ZC3H12B: variants seen among roughly 807,000 people sequenced by gnomAD.
ZC3H12B encodes the protein zinc finger CCCH-type containing 12B, also known as probable ribonuclease ZC3H12B.
A neutral mutation model predicts 43.9 loss-of-function variants in ZC3H12B; 7 were observed. The observed-to-expected ratio is 0.16, with a 90% CI of 0.09 to 0.30. The LOEUF (loss-of-function observed/expected upper bound fraction) is 0.30, where lower values mean the gene tolerates loss of function less well. ZC3H12B is among the 10% of genes least tolerant of loss of function. The pLI is 1.00. For synonymous variants in ZC3H12B, 222 were observed against 241.7 expected (o/e 0.92, Z 0.76); for missense variants, 475 against 670.2 (o/e 0.71, Z 3.22).
the ZC3H12B span, among the ~76,000 whole-genome samples, chrX:65,255,749 G>A: frequency 8.9e-6 from 1 of 112,095 alleles, no homozygotes; most frequent in Non-Finnish European, 1.9e-5. Flanking sequence ...TGGAAAGTTG[G>A]ATAAAGAAGC....
At chrX:65,347,679 G>A in the ZC3H12B span, among the ~76,000 whole-genome samples, 1 of 112,255 alleles carries the variant, frequency 8.9e-6, no homozygotes, top group Non-Finnish European at 1.9e-5. Flanking sequence ...TCAGTGTGGC[G>A]ATTCCTCAAG....
the ZC3H12B span, among the ~76,000 whole-genome samples, chrX:65,224,326 T>A: frequency 8.9e-6 from 1 of 112,513 alleles, no homozygotes; most frequent in Non-Finnish European, 1.9e-5. Flanking sequence ...TAAAAAACTA[T>A]GAGTTGGGTA....
intron 3 of ZC3H12B, among the ~76,000 whole-genome samples, chrX:65,480,459 G>A (rs754443482): frequency 1.8e-4 from 20 of 111,924 alleles, no homozygotes; most frequent in Non-Finnish European, 2.8e-4. Context: ...TAAAAGCCAG[G>A]GCTATGTATA....
At chrX:65,156,968 T>A in the ZC3H12B span, among the ~76,000 whole-genome samples, 2 of 111,780 alleles carry the variant, frequency 1.8e-5, no homozygotes, top group Admixed American at 9.6e-5. Flanking sequence ...TTTTTCTTTC[T>A]TTCTTTCTTC....
At chrX:65,236,583 T>C in the ZC3H12B span, among the ~76,000 whole-genome samples, 1 of 112,178 alleles carries the variant, frequency 8.9e-6, no homozygotes, top group East Asian at 2.8e-4. Context: ...TTGCTTTTAT[T>C]GCAATTGCTT....
the ZC3H12B span, among the ~76,000 whole-genome samples, chrX:65,248,495 G>A: frequency 8.9e-6 from 1 of 111,837 alleles, no homozygotes; most frequent in Non-Finnish European, 1.9e-5. Context: ...TATTAAATCA[G>A]CAAATATTTA....
intron 3 of ZC3H12B, among the ~76,000 whole-genome samples, chrX:65,454,227 C>A (rs1268170071): frequency 8.9e-6 from 1 of 112,517 alleles, no homozygotes; most frequent in African/African-American, 3.2e-5. Context: ...GGTCAGGGAA[C>A]TCCCTTTCCT....
intron 3 of ZC3H12B, among the ~76,000 whole-genome samples, chrX:65,461,229 G>T (rs1042148298): frequency 8.9e-6 from 1 of 112,052 alleles, no homozygotes; most frequent in African/African-American, 3.2e-5. Context: ...AGGATGTGGA[G>T]AAATAGGAAC....
chrX:65,077,421 G>T, the ZC3H12B span, among the ~76,000 whole-genome samples: 1 of 112,415 alleles, frequency 8.9e-6, no homozygotes, highest in Middle Eastern at 4.6e-3. Flanking sequence ...TGTTGAGCCA[G>T]GGTTGGGTTG....
chrX:65,209,508 CTGAGTTCTAGTT>C, the ZC3H12B span, among the ~76,000 whole-genome samples: 2 of 97,629 alleles, frequency 2.0e-5, no homozygotes, highest in African/African-American at 3.8e-5. Context: ...ATTCTTAATC[CTGAGTTCTAGTT>C]TGATTGCACT....
chrX:65,328,103 A>T, the ZC3H12B span: 1 of 251,075 alleles, frequency 4.0e-6, no homozygotes, highest in Non-Finnish European at 8.0e-6. Context: ...ATTCAGTAAT[A>T]AAGCAAGGCT....
the ZC3H12B span, among the ~76,000 whole-genome samples, chrX:65,165,141 C>T: frequency 9.0e-6 from 1 of 111,649 alleles, no homozygotes; most frequent in East Asian, 2.8e-4. Flanking sequence ...TTAGTAACTG[C>T]CCCCAAACTC....
chrX:65,456,628 G>C (rs992811064), intron 3 of ZC3H12B, among the ~76,000 whole-genome samples: 7 of 106,742 alleles, frequency 6.6e-5, no homozygotes, highest in Non-Finnish European at 1.2e-4. Context: ...TTTTTTGGTG[G>C]AGACGGGGTT....
the ZC3H12B span, among the ~76,000 whole-genome samples, chrX:65,189,087 A>C: frequency 9.7e-6 from 1 of 102,655 alleles, no homozygotes. Context: ...GAGAATGATG[A>C]TTTCCAATTT....
chrX:65,262,451 T>G, the ZC3H12B span, among the ~76,000 whole-genome samples: 1 of 111,294 alleles, frequency 9.0e-6, no homozygotes, highest in Admixed American at 9.5e-5. Flanking sequence ...TTTCTGAGCC[T>G]GCAATGTTTG....
At chrX:65,092,433 A>T in the ZC3H12B span, among the ~76,000 whole-genome samples, 23 of 111,633 alleles carry the variant, frequency 2.1e-4, no homozygotes, top group African/African-American at 7.5e-4. Context: ...ATGAGGGAAA[A>T]TTTGGAAATC....
the ZC3H12B span, among the ~76,000 whole-genome samples, chrX:65,100,223 A>G: frequency 9.0e-6 from 1 of 111,082 alleles, no homozygotes; most frequent in Non-Finnish European, 1.9e-5. Context: ...CCTCCAAGAA[A>G]TATGGGACTA....
At chrX:65,188,907 T>A in the ZC3H12B span, among the ~76,000 whole-genome samples, 6 of 104,358 alleles carry the variant, frequency 5.7e-5, no homozygotes, top group African/African-American at 2.1e-4. Flanking sequence ...TAACTCGTCA[T>A]CTAACATTAG....
rs996801483 is a variant in ZC3H12B at position 65,379,027 on chromosome X, G to A, written n.295+10029G>A. 5.3e-5 allele frequency among the ~76,000 whole-genome samples: 6 copies of A among 112,313 alleles called. No individual in the cohort carries two copies. The Admixed American group carries it at 5.6e-4, about 11-fold the overall frequency. ...AAACTGCAAGGCAGCAGCGAGGCTA[G>A]GGGAGGGGTGCCCGCAATTGCCCAG... On this transcript the variant is annotated intron_variant and non_coding_transcript_variant, in intron 2 of 5. Coordinates refer to the ZC3H12B transcript ENST00000617377.
Sources: allele counts gnomAD v4.1 joint callset (sites outside exome capture counted in the v4.1 genomes callset), GRCh38; gene constraint gnomAD v4.1.1; transcripts MANE v1.5; gene names NCBI Gene and HGNC (gene_info 2026-07-23, HGNC 2026-07-21).